The following SYN3 variants were observed in gnomAD, a reference collection of about 807,000 sequenced individuals.
SYN3 encodes the protein synapsin-3.
Under a neutral mutation model 65.8 loss-of-function variants are expected in SYN3, and 35 were observed. The ratio of observed to expected loss-of-function variants is 0.53; its 90% CI spans 0.41 to 0.70. The LOEUF is 0.70. Ranked by LOEUF, SYN3 falls within the 30% of genes least tolerant of loss-of-function variation. The pLI is 0.00. For missense variants in SYN3, 680 were observed against 749.0 expected (o/e 0.91, Z 1.08); for synonymous variants, 270 against 292.9 (o/e 0.92, Z 0.80).
chr22:32,825,316 G>C (rs1208342572), intron 6 of SYN3, among the ~76,000 whole-genome samples: 1 of 152,148 alleles, frequency 6.6e-6, no homozygotes, highest in Non-Finnish European at 1.5e-5. Context: ...TTTAGAAAGA[G>C]GAGAGAACTT....
chr22:32,588,864 T>C (rs905492120), intron 7 of SYN3, among the ~76,000 whole-genome samples: 1 of 152,196 alleles, frequency 6.6e-6, no homozygotes, highest in Non-Finnish European at 1.5e-5. Flanking sequence ...GATGACTGGC[T>C]GAACCAGGGA....
chr22:32,745,655 C>T, intron 6 of SYN3, among the ~76,000 whole-genome samples: 1 of 152,178 alleles, frequency 6.6e-6, no homozygotes, highest in Middle Eastern at 3.4e-3. Context: ...ACCTGCAGAG[C>T]CTTCCTGGGA....
chr22:32,753,386 CA>C (rs2045195629), intron 6 of SYN3, among the ~76,000 whole-genome samples: 1 of 152,120 alleles, frequency 6.6e-6, no homozygotes, highest in Non-Finnish European at 1.5e-5. Context: ...AGAGGGGCTG[CA>C]GCTGCCTCCA....
rs376253220 is a variant in SYN3 at position 33,028,972 on chromosome 22, A to G, written c.-162-22148T>C. Among the ~76,000 whole-genome samples the G allele has an allele frequency of 5.6e-3, 858 of 151,928 alleles. 7 individuals are homozygous for G. Among genetic ancestry groups the G allele is most frequent in the Non-Finnish European group, 8.0e-3 (545 of 67,930 alleles). ...GGAGAATGGTGTAAACCCGGGAGGC[A>G]GAGCTTGCAGTGAGCCAAGATCCCG... On this transcript the variant is annotated intron_variant, in intron 1 of 13. Transcript: ENST00000358763.
intron 6 of SYN3, among the ~76,000 whole-genome samples, chr22:32,710,644 AAAAAGAAAGAAAG>A (rs1455203791): frequency 6.7e-6 from 1 of 149,906 alleles, no homozygotes; most frequent in African/African-American, 2.5e-5. Context: ...AAAAAAAAAA[AAAAAGAAAGAAAG>A]AAAAAGAAAG....
chr22:32,908,320 A>C (rs1350059583), intron 4 of SYN3, among the ~76,000 whole-genome samples: 1 of 151,150 alleles, frequency 6.6e-6, no homozygotes, highest in East Asian at 1.9e-4. Context: ...TCCTGACCTC[A>C]AGTGATCCGC....
chr22:32,782,001 C>A (rs1224932011), intron 6 of SYN3, among the ~76,000 whole-genome samples: 2 of 151,890 alleles, frequency 1.3e-5, no homozygotes, highest in African/African-American at 2.4e-5. Context: ...GTTGTTTTTT[C>A]CCCTTCAGAA....
intron 12 of SYN3, among the ~76,000 whole-genome samples, chr22:32,521,660 C>A (rs561265069): frequency 3.3e-5 from 5 of 152,120 alleles, no homozygotes; most frequent in South Asian, 4.2e-4. Flanking sequence ...ATTGGCCAGG[C>A]TGGTCTCGAA....
intron 6 of SYN3, among the ~76,000 whole-genome samples, chr22:32,767,038 A>G (rs1001548916): frequency 6.6e-6 from 1 of 152,100 alleles, no homozygotes; most frequent in African/African-American, 2.4e-5. Context: ...CCAAATCCAA[A>G]TCAGTTATAG....
rs1160378911 is a variant in SYN3, at chr22:32,755,474, C to T, written c.711+109441G>A. Reference sequence around the variant, plus strand: ...CCCATGATGATGGAGAAACAAAGACCAGAGAAGTTTTGCCTGGTTCCAACA... The same window carrying T: ...CCCATGATGATGGAGAAACAAAGACTAGAGAAGTTTTGCCTGGTTCCAACA... On this transcript the variant is annotated intron_variant, in intron 6 of 13. Coordinates refer to ENST00000358763, the MANE Select transcript of SYN3 (RefSeq NM_003490.4). 2.6e-5 allele frequency among the ~76,000 whole-genome samples: 4 copies of T among 152,296 alleles called. No individual in the cohort carries two copies. In the East Asian group the frequency reaches 7.7e-4, roughly 29 times the overall value.
At chr22:32,706,439 A>G (rs1351533973) in intron 6 of SYN3, among the ~76,000 whole-genome samples, 1 of 152,262 alleles carries the variant, frequency 6.6e-6, no homozygotes, top group Admixed American at 6.5e-5. Flanking sequence ...GAAAATGCTA[A>G]AATTAGAATT....
In SYN3 at chr22:32,739,962, C is replaced by T. The variant is rs567710897; in HGVS notation, c.711+124953G>A. 1.1e-3 allele frequency among the ~76,000 whole-genome samples: 170 copies of T among 152,306 alleles called. 1 individual carries two copies. The highest frequency in any genetic ancestry group is 3.8e-3 in the African/African-American group (158 of 41,562). Reference sequence around the variant, plus strand: ...GACCACTATGAAGTCTCGGGTTCAACTTTGGAAGACATACATTGAGAAAGA... The same window carrying T: ...GACCACTATGAAGTCTCGGGTTCAATTTTGGAAGACATACATTGAGAAAGA... On this transcript the variant is annotated intron_variant, in intron 6 of 13. Coordinates refer to ENST00000358763, the MANE Select transcript of SYN3 (RefSeq NM_003490.4).
At chr22:32,825,698 G>GATGTGTGT (rs1157423738) in intron 6 of SYN3, among the ~76,000 whole-genome samples, 1 of 94,622 alleles carries the variant, frequency 1.1e-5, no homozygotes, top group Non-Finnish European at 2.1e-5. Flanking sequence ...AAAAAAAAAA[G>GATGTGTGT]ATGTGTGTAT....
chr22:33,000,455 C>T (rs2053024290), intron 2 of SYN3, among the ~76,000 whole-genome samples: 1 of 152,280 alleles, frequency 6.6e-6, no homozygotes, highest in Admixed American at 6.5e-5. Context: ...GGATCGTCCT[C>T]AAGGGACCCA....
Position 32,930,168 on chromosome 22 carries a change from T to C in SYN3, c.461+1222A>G, listed in dbSNP as rs575472286. Among the ~76,000 whole-genome samples, 13 of 152,288 alleles carry C rather than the reference T, an allele frequency of 8.5e-5. No individual in the cohort carries two copies. In the East Asian group the frequency reaches 2.5e-3, roughly 29 times the overall value. ...TTTGGCTGTGTCCCCACCCAAATCT[T>C]ATCTTGAATTGTAGCTCCCACAATT... is the stretch of plus-strand genomic sequence containing the variant. On this transcript the variant is annotated intron_variant, in intron 4 of 13. Transcript: ENST00000358763.
chr22:32,717,875 C>T (rs1411605606), intron 6 of SYN3, among the ~76,000 whole-genome samples: 2 of 152,182 alleles, frequency 1.3e-5, no homozygotes, highest in Non-Finnish European at 2.9e-5. Flanking sequence ...CCTGGTATGG[C>T]CTCACCCCGT....
rs1479498540 is a variant in SYN3 at position 32,857,266 on chromosome 22, C to G, written c.711+7649G>C. ...GCCCACAGATGTACCGAGGCTTCAC[C>G]AAGATGCCCCATGTGCAGTACATCC... On this transcript the variant is annotated intron_variant, in intron 6 of 13. Coordinates refer to ENST00000358763, the MANE Select transcript of SYN3 (RefSeq NM_003490.4). The G allele has an allele frequency of 3.7e-6, 6 of 1,614,048 alleles. No individual in the cohort carries two copies. In the East Asian group the frequency reaches 1.3e-4, roughly 36 times the overall value.
At chr22:32,858,289 G>A in intron 6 of SYN3, 1 of 1,134,434 alleles carries the variant, frequency 8.8e-7, no homozygotes, top group South Asian at 1.6e-5. Context: ...AGCAGATATA[G>A]TAAGGATTGT....
intron 2 of SYN3, among the ~76,000 whole-genome samples, chr22:32,993,011 A>C (rs9609679): frequency 0.17 from 25,515 of 152,028 alleles, 2,479 homozygotes; most frequent in East Asian, 0.43. Context: ...ACTGTCCCAA[A>C]GTGCCCGCAG....
Sources: gnomAD v4.1 joint callset for allele counts (sites outside exome capture counted in the v4.1 genomes callset) on GRCh38, gnomAD v4.1.1 for gene constraint, MANE v1.5 for transcripts, NCBI Gene and HGNC (gene_info 2026-07-23, HGNC 2026-07-21) for gene names.